BTRC: variants seen among roughly 807,000 people sequenced by gnomAD.
BTRC encodes beta-transducin repeat containing E3 ubiquitin protein ligase.
Under a neutral mutation model 85.5 loss-of-function variants are expected in BTRC, and 42 were observed. The ratio of observed to expected loss-of-function variants is 0.49; its 90% CI spans 0.38 to 0.64. BTRC has a LOEUF of 0.64. BTRC is among the 30% of genes least tolerant of loss of function. The pLI, the probability that BTRC is intolerant of heterozygous loss-of-function variation, is 0.00. For missense variants in BTRC, 594 were observed against 743.5 expected, an observed-to-expected ratio of 0.80 and a Z score of 2.34; for synonymous variants, 255 against 263.3, an observed-to-expected ratio of 0.97 and a Z score of 0.30.
At chr10:101,462,403 G>A (rs1156596562) in intron 3 of BTRC, among the ~76,000 whole-genome samples, 1 of 152,162 alleles carries the variant, frequency 6.6e-6, no homozygotes, top group Non-Finnish European at 1.5e-5. Context: ...ACAGCAGCCG[G>A]GCAAGGTGGC....
chr10:101,529,310 AG>A (rs1267018195), intron 6 of BTRC, among the ~76,000 whole-genome samples: 1 of 152,236 alleles, frequency 6.6e-6, no homozygotes, highest in Admixed American at 6.5e-5. Context: ...AAATGCAGTG[AG>A]GTGGAAAACA....
intron 1 of BTRC, among the ~76,000 whole-genome samples, chr10:101,360,370 C>CTTTTTT (rs35794052): frequency 2.2e-5 from 2 of 89,920 alleles, no homozygotes; most frequent in African/African-American, 4.2e-5. Flanking sequence ...ATGGGATCTG[C>CTTTTTT]TTTTTTTTTT....
chr10:101,552,284 G>A (rs538916613), intron 14 of BTRC, among the ~76,000 whole-genome samples: 1 of 151,612 alleles, frequency 6.6e-6, no homozygotes, highest in African/African-American at 2.4e-5. Flanking sequence ...CACCTCCTGG[G>A]CTCAAGTGAT....
At chr10:101,416,906 T>C (rs1943960691) in intron 1 of BTRC, among the ~76,000 whole-genome samples, 2 of 152,202 alleles carry the variant, frequency 1.3e-5, no homozygotes, top group African/African-American at 4.8e-5. Context: ...TACTACATTA[T>C]GACCAAAAGC....
At chr10:101,542,785 G>A (rs2062488317) in intron 13 of BTRC, among the ~76,000 whole-genome samples, 1 of 152,134 alleles carries the variant, frequency 6.6e-6, no homozygotes, top group Non-Finnish European at 1.5e-5. Flanking sequence ...ACATTGCCCA[G>A]GCTGGTCTGG....
At chr10:101,401,116 T>C (rs890385291) in intron 1 of BTRC, among the ~76,000 whole-genome samples, 4 of 152,236 alleles carry the variant, frequency 2.6e-5, no homozygotes, top group Admixed American at 1.3e-4. Flanking sequence ...TTCGAACTTA[T>C]TGCAATGAGA....
At chr10:101,447,046 G>A (rs560609174) in intron 2 of BTRC, among the ~76,000 whole-genome samples, 26 of 152,256 alleles carry the variant, frequency 1.7e-4, no homozygotes, top group Non-Finnish European at 3.2e-4. Context: ...GCTAGTGTTC[G>A]CGTGCAGGTT....
chr10:101,484,518 T>A (rs2134240236), intron 4 of BTRC, among the ~76,000 whole-genome samples: 1 of 152,336 alleles, frequency 6.6e-6, no homozygotes, highest in Non-Finnish European at 1.5e-5. Flanking sequence ...AATGCAGACG[T>A]TTGCACTTCC....
chr10:101,472,267 T>C (rs527746492), intron 3 of BTRC, among the ~76,000 whole-genome samples: 4 of 76,996 alleles, frequency 5.2e-5, no homozygotes, highest in African/African-American at 1.3e-4. Context: ...TTCTTTTCTT[T>C]TCTTTTCCTC....
chr10:101,535,290 A>G, intron 10 of BTRC, 64 bp from the exon 11 acceptor site: 2 of 1,257,086 alleles, frequency 1.6e-6, no homozygotes, highest in Non-Finnish European at 2.3e-6. Context: ...CTAAGACTCC[A>G]TTTGCCATAG....
chr10:101,376,568 A>C (rs1281281513), intron 1 of BTRC, among the ~76,000 whole-genome samples: 1 of 152,180 alleles, frequency 6.6e-6, no homozygotes, highest in Non-Finnish European at 1.5e-5. Flanking sequence ...CTGAGGTACT[A>C]CATTAAAATC....
At chr10:101,430,482 C>G (rs112007824) in intron 2 of BTRC, 30 bp downstream of exon 2, 1 of 1,572,046 alleles carries the variant, frequency 6.4e-7, no homozygotes, top group South Asian at 1.1e-5. Flanking sequence ...GGGTTATTTG[C>G]GGGCATTAGT....
intron 11 of BTRC, 91 bp downstream of exon 11, chr10:101,535,563 A>C: frequency 1.1e-6 from 1 of 874,746 alleles, no homozygotes; most frequent in Non-Finnish European, 1.7e-6. Flanking sequence ...CAATTTTGTT[A>C]TGTTTATAAT....
At chr10:101,449,890 A>T (rs547612587) in intron 2 of BTRC, among the ~76,000 whole-genome samples, 2 of 152,152 alleles carry the variant, frequency 1.3e-5, no homozygotes, top group African/African-American at 4.8e-5. Context: ...CAGTGGTATA[A>T]GATGCCTGCT....
At chr10:101,368,464 CTTTTTT>C (rs60190021) in intron 1 of BTRC, among the ~76,000 whole-genome samples, 1,506 of 75,296 alleles carry the variant, frequency 0.02, 5 homozygotes, top group Non-Finnish European at 0.027. Context: ...AACTGTTTTT[CTTTTTT>C]TTTTTTTTTT....
intron 1 of BTRC, among the ~76,000 whole-genome samples, chr10:101,398,331 C>T (rs1054698225): frequency 2.6e-5 from 4 of 151,248 alleles, no homozygotes; most frequent in Admixed American, 6.6e-5. Flanking sequence ...TTTTTTGAGA[C>T]GGACTCTTGC....
intron 2 of BTRC, among the ~76,000 whole-genome samples, chr10:101,445,107 T>G (rs1300365461): frequency 6.6e-6 from 1 of 152,192 alleles, no homozygotes; most frequent in African/African-American, 2.4e-5. Context: ...ATATTTTCAG[T>G]GTTATTAATG....
chr10:101,402,436 A>G (rs554100373), intron 1 of BTRC, among the ~76,000 whole-genome samples: 1 of 152,350 alleles, frequency 6.6e-6, no homozygotes, highest in Admixed American at 6.5e-5. Flanking sequence ...ATAAATAATG[A>G]ATATAATTTA....
intron 4 of BTRC, among the ~76,000 whole-genome samples, chr10:101,515,230 A>G (rs2062007797): frequency 6.6e-6 from 1 of 152,216 alleles, no homozygotes; most frequent in South Asian, 2.1e-4. Context: ...TGCTGGGATT[A>G]CAGGTGTGAG....
Sources: allele counts gnomAD v4.1 joint callset (sites outside exome capture counted in the v4.1 genomes callset), GRCh38; gene constraint gnomAD v4.1.1; transcripts MANE v1.5; gene names NCBI Gene and HGNC (gene_info 2026-07-23, HGNC 2026-07-21).